SENP6: variants seen among roughly 807,000 people sequenced by gnomAD.
SENP6 encodes the protein sentrin-specific protease 6.
In SENP6, 41 loss-of-function variants were observed where a neutral mutation model predicts 134.5. The ratio of observed to expected loss-of-function variants is 0.30; its 90% CI spans 0.24 to 0.40. The LOEUF is 0.40. Among genes scored for constraint, SENP6 ranks in the 10% least tolerant of loss-of-function variants. The probability of loss-of-function intolerance (pLI) is 1.00; values close to 1 mark genes in which losing one functional copy is unlikely to be tolerated. For missense variants in SENP6, 1,248 were observed against 1,312.5 expected (o/e 0.95, Z 0.76); for synonymous variants, 395 against 429.8 (o/e 0.92, Z 1.00).
At chr6:75,690,547 AGTT>A (rs1489180910) in intron 16 of SENP6, among the ~76,000 whole-genome samples, 1 of 152,186 alleles carries the variant, frequency 6.6e-6, no homozygotes, top group East Asian at 1.9e-4. Flanking sequence ...GGGGAAAAGG[AGTT>A]GTTTAATAGA....
chr6:75,697,564 G>T, intron 18 of SENP6, 47 bp downstream of exon 18: 1 of 1,327,936 alleles, frequency 7.5e-7, no homozygotes, highest in South Asian at 1.2e-5. Flanking sequence ...TCATGTAAAT[G>T]ATGGCAATTT....
chr6:75,673,891 T>C (rs2149875938), intron 11 of SENP6, among the ~76,000 whole-genome samples: 1 of 151,572 alleles, frequency 6.6e-6, no homozygotes, highest in Admixed American at 6.6e-5. Context: ...TGTGGTGGCG[T>C]GCACCCGTAA....
chr6:75,665,186 T>C (rs1175261672), intron 9 of SENP6, among the ~76,000 whole-genome samples: 1 of 151,532 alleles, frequency 6.6e-6, no homozygotes, highest in Non-Finnish European at 1.5e-5. Flanking sequence ...CTCGGGAGGC[T>C]GAGGCAGGAG....
intron 7 of SENP6, among the ~76,000 whole-genome samples, chr6:75,653,853 T>C (rs1771105948): frequency 6.6e-6 from 1 of 152,196 alleles, no homozygotes; most frequent in Non-Finnish European, 1.5e-5. Flanking sequence ...GAAAGTAGTA[T>C]GTAAAAGCCA....
intron 10 of SENP6, among the ~76,000 whole-genome samples, chr6:75,669,593 T>A (rs1172486249): frequency 6.6e-6 from 1 of 152,186 alleles, no homozygotes; most frequent in East Asian, 1.9e-4. Context: ...TAATTACTTG[T>A]AATTAAAATT....
chr6:75,657,388 C>G (rs1464712237), intron 7 of SENP6, among the ~76,000 whole-genome samples: 3 of 152,104 alleles, frequency 2.0e-5, no homozygotes, highest in Non-Finnish European at 4.4e-5. Context: ...GCTCTGTAAC[C>G]TCAGATTTTA....
chr6:75,608,717 T>C (rs1477725147), intron 1 of SENP6, among the ~76,000 whole-genome samples: 2 of 152,158 alleles, frequency 1.3e-5, no homozygotes, highest in Non-Finnish European at 2.9e-5. Flanking sequence ...ATAACAAGGG[T>C]AATAATTGTC....
intron 1 of SENP6, among the ~76,000 whole-genome samples, chr6:75,606,423 GTATT>G (rs1351875272): frequency 6.6e-6 from 1 of 152,216 alleles, no homozygotes; most frequent in Admixed American, 6.5e-5. Flanking sequence ...TTGCTCCCCT[GTATT>G]TATTCAGTCA....
At chr6:75,680,529 A>G (rs1773393395) in intron 16 of SENP6, among the ~76,000 whole-genome samples, 1 of 152,232 alleles carries the variant, frequency 6.6e-6, no homozygotes, top group Non-Finnish European at 1.5e-5. Flanking sequence ...GCTCCCATGA[A>G]TAATTTCCAA....
At chr6:75,674,482 T>G (rs2149876559) in intron 11 of SENP6, among the ~76,000 whole-genome samples, 1 of 152,250 alleles carries the variant, frequency 6.6e-6, no homozygotes, top group East Asian at 1.9e-4. Context: ...TTACCACGCC[T>G]GGCTAATTTT....
At chr6:75,612,363 C>G (rs527354520) in intron 1 of SENP6, among the ~76,000 whole-genome samples, 1 of 152,100 alleles carries the variant, frequency 6.6e-6, no homozygotes, top group Non-Finnish European at 1.5e-5. Context: ...TTCTAAGTTA[C>G]GTTTTTCTCA....
chr6:75,631,708 G>A (rs1009711673), intron 3 of SENP6, among the ~76,000 whole-genome samples: 4 of 152,170 alleles, frequency 2.6e-5, no homozygotes, highest in African/African-American at 9.7e-5. Context: ...TGAATATTTG[G>A]ACAGAGTTGA....
intron 5 of SENP6, among the ~76,000 whole-genome samples, chr6:75,638,358 C>A (rs1769690673): frequency 6.7e-6 from 1 of 149,448 alleles, no homozygotes; most frequent in Non-Finnish European, 1.5e-5. Flanking sequence ...TTTACAAAGT[C>A]CTACATTACT....
At chr6:75,665,834 C>T (rs1283552572) in intron 9 of SENP6, among the ~76,000 whole-genome samples, 1 of 151,882 alleles carries the variant, frequency 6.6e-6, no homozygotes, top group Non-Finnish European at 1.5e-5. Flanking sequence ...CGAGACCAGC[C>T]TGGCCAACAT....
chr6:75,702,017 A>C (rs1262381092), intron 18 of SENP6, among the ~76,000 whole-genome samples: 1 of 151,850 alleles, frequency 6.6e-6, no homozygotes, highest in African/African-American at 2.4e-5. Context: ...CGAGTTGCAA[A>C]GTGACATTAC....
At chr6:75,617,701 C>A (rs1471169569) in intron 1 of SENP6, among the ~76,000 whole-genome samples, 1 of 152,180 alleles carries the variant, frequency 6.6e-6, no homozygotes, top group African/African-American at 2.4e-5. Context: ...TTACTATTAC[C>A]TGAACTACAA....
intron 21 of SENP6, among the ~76,000 whole-genome samples, chr6:75,712,139 T>A (rs1775786563): frequency 6.6e-6 from 1 of 152,188 alleles, no homozygotes; most frequent in Non-Finnish European, 1.5e-5. Context: ...ATGTTCCAAC[T>A]GAGAACTCCA....
chr6:75,651,784 G>A (rs1770887872), intron 7 of SENP6, among the ~76,000 whole-genome samples: 1 of 152,170 alleles, frequency 6.6e-6, no homozygotes, highest in South Asian at 2.1e-4. Flanking sequence ...TGTTCTGTAT[G>A]TAACTTGCTT....
In SENP6 at chr6:75,716,458, T is replaced by C. The variant is rs1411590508; in HGVS notation, c.*864T>C. ...AGGAATTTAAATAGGAATTTACTAT[T>C]TTTTTATAAAGCTTTTGCTATTTTT... On this transcript the variant is annotated 3_prime_UTR_variant, in exon 24 of 24. Coordinates refer to ENST00000447266, the MANE Select transcript of SENP6 (RefSeq NM_015571.4). The C allele has an allele frequency of 6.6e-6, 1 of 151,990 alleles. No individual in the cohort carries two copies. Among genetic ancestry groups the C allele is most frequent in the Non-Finnish European group, 1.5e-5 (1 of 67,870 alleles). 9.4% of individuals were successfully genotyped at this position (151,990 alleles called of 1,614,324 possible).
Sources: gnomAD v4.1 joint callset for allele counts (sites outside exome capture counted in the v4.1 genomes callset) on GRCh38, gnomAD v4.1.1 for gene constraint, MANE v1.5 for transcripts, NCBI Gene and HGNC (gene_info 2026-07-23, HGNC 2026-07-21) for gene names.